The following GABPB2 variants were observed in gnomAD, a reference collection of about 807,000 sequenced individuals.
GABPB2 encodes GA binding protein transcription factor subunit beta 2, also known as GA-binding protein subunit beta-2.
Under a neutral mutation model 39.1 loss-of-function variants are expected in GABPB2, and 23 were observed. The observed-to-expected ratio is 0.59, with a 90% CI of 0.42 to 0.83. The LOEUF (loss-of-function observed/expected upper bound fraction) is 0.83. Among genes scored for constraint, GABPB2 ranks in the 40% least tolerant of loss-of-function variants. The pLI, the probability that GABPB2 is intolerant of heterozygous loss-of-function variation, is 0.00. For missense variants in GABPB2, 467 were observed against 541.1 expected (o/e 0.86, Z 1.36); for synonymous variants, 184 against 199.3 (o/e 0.92, Z 0.65).
chr1:151,103,893 T>G (rs866478708), intron 6 of GABPB2, among the ~76,000 whole-genome samples: 21 of 152,216 alleles, frequency 1.4e-4, no homozygotes, highest in African/African-American at 4.8e-4. Flanking sequence ...ATTATTCCTT[T>G]GTGTGTTTAC....
intron 3 of GABPB2, among the ~76,000 whole-genome samples, chr1:151,091,740 G>A (rs376792992): frequency 1.3e-5 from 2 of 152,006 alleles, no homozygotes; most frequent in African/African-American, 4.8e-5. Flanking sequence ...GACTCCCAAA[G>A]TGGTGGAATT....
At chr1:151,111,630 T>C (rs1680436678) in intron 7 of GABPB2, among the ~76,000 whole-genome samples, 2 of 151,356 alleles carry the variant, frequency 1.3e-5, no homozygotes, top group African/African-American at 2.4e-5. Flanking sequence ...TTCACTGTGG[T>C]CTCGATCTCC....
rs1014770529 is a variant in GABPB2, at chr1:151,121,966, T to G, written c.*3710T>G. The G allele has an allele frequency of 6.6e-6, 1 of 152,190 alleles. No homozygotes were observed. The highest frequency in any genetic ancestry group is 1.5e-5 in the Non-Finnish European group (1 of 68,030). 9.4% of individuals were successfully genotyped at this position (152,190 alleles called of 1,614,324 possible). A position where few individuals can be genotyped will look rare whatever the true frequency, so the allele number is the denominator to read the frequency against. ...ACTGTTTAGAATATGGTTTTCTTAA[T>G]TAGCAGTCATGGGGAAAACATGCAT... On this transcript the variant is annotated 3_prime_UTR_variant, in exon 9 of 9. Transcript: ENST00000368918.
intron 1 of GABPB2, among the ~76,000 whole-genome samples, chr1:151,084,093 G>C (rs1677959246): frequency 6.6e-6 from 1 of 150,948 alleles, no homozygotes. Flanking sequence ...ATGTGGAAAT[G>C]GGGCCTTACT....
intron 3 of GABPB2, among the ~76,000 whole-genome samples, chr1:151,092,952 C>G (rs1305596585): frequency 6.6e-6 from 1 of 152,130 alleles, no homozygotes; most frequent in Non-Finnish European, 1.5e-5. Flanking sequence ...TGTTCTTTCT[C>G]TCTTTGTCTT....
rs1681203465 is a variant in GABPB2 at position 151,122,075 on chromosome 1, G to A, written c.*3819G>A. On this transcript the variant is annotated 3_prime_UTR_variant, in exon 9 of 9. Coordinates refer to ENST00000368918, the MANE Select transcript of GABPB2 (RefSeq NM_144618.3). ...TAATTTGCTGCAGTGTTACAGAGGAGCAGAATCACTTGGGTCTCAAAATAG... is the reference window on the plus strand; with the variant it reads ...TAATTTGCTGCAGTGTTACAGAGGAACAGAATCACTTGGGTCTCAAAATAG... 1 of 152,202 alleles carries A rather than the reference G, an allele frequency of 6.6e-6. No homozygotes were observed. The highest frequency in any genetic ancestry group is 2.4e-5 in the African/African-American group (1 of 41,448). The allele number at this position is 152,202 out of a possible 1,614,324, so 9.4% of individuals were successfully genotyped here. A position where few individuals can be genotyped will look rare whatever the true frequency, so the allele number is the denominator to read the frequency against.
intron 6 of GABPB2, among the ~76,000 whole-genome samples, chr1:151,105,284 AC>A: frequency 6.6e-6 from 1 of 151,878 alleles, no homozygotes; most frequent in Non-Finnish European, 1.5e-5. Flanking sequence ...TGGGATATTG[AC>A]TAATCAAACT....
chr1:151,109,238 G>A (rs907297796), intron 7 of GABPB2, among the ~76,000 whole-genome samples: 9 of 149,810 alleles, frequency 6.0e-5, no homozygotes, highest in African/African-American at 2.2e-4. Context: ...AAGGGTACTG[G>A]TATAATTTCC....
rs4970998 is a variant in GABPB2, at chr1:151,118,705, A to G, written c.*449A>G. 120,154 of 152,884 alleles carry G rather than the reference A, an allele frequency of 0.79. 47,413 individuals carry two copies. Among genetic ancestry groups the G allele is most frequent in the East Asian group, 0.91 (4,758 of 5,208 alleles). The allele number at this position is 152,884 out of a possible 1,614,324, so 9.5% of individuals were successfully genotyped here. A position where few individuals can be genotyped will look rare whatever the true frequency, so the allele number is the denominator to read the frequency against. On this transcript the variant is annotated 3_prime_UTR_variant, in exon 9 of 9. Transcript: ENST00000368918. ...TGTTGGAAAAACCAATTGGAAGGGA[A>G]GTTAGACAAGCTTTGGGGAAGAGAA...
chr1:151,114,829 G>A (rs1189205841), intron 7 of GABPB2, among the ~76,000 whole-genome samples: 1 of 151,994 alleles, frequency 6.6e-6, no homozygotes, highest in African/African-American at 2.4e-5. Context: ...GCCCAACATG[G>A]CAAAACCCCA....
At chr1:151,075,720 CCCCAAAAAAA>C (rs956450131) in intron 1 of GABPB2, among the ~76,000 whole-genome samples, 15 of 145,278 alleles carry the variant, frequency 1.0e-4, no homozygotes, top group Non-Finnish European at 2.3e-4. Context: ...AAAAAACCCC[CCCCAAAAAAA>C]CCCAAAAAAA....
chr1:151,107,215 A>T lies in GABPB2; in HGVS notation c.915A>T (p.Gly305=). 1 of 1,576,078 alleles carries T rather than the reference A, an allele frequency of 6.3e-7. No individual in the cohort carries two copies. The highest frequency in any genetic ancestry group is 1.2e-5 in the South Asian group (1 of 84,786). The stretch of plus-strand genomic sequence containing the variant: ...CATTTATTGTAACTGTGCAAGATGG[A>T]CAGCAAGGTGAGTTATCTCTTGTAG... ...GQPFIVTVQD[G]QQVLTVPAGK... The change falls in exon 7 of 9, where the codon GGA becomes GGT. Residue 305 remains glycine (G), a synonymous_variant. Coordinates refer to ENST00000368918, the MANE Select transcript of GABPB2 (RefSeq NM_144618.3).
Position 151,107,127 on chromosome 1 carries a change from T to TG in GABPB2, c.828dup (p.Thr277AspfsTer2). 2 of 1,612,240 alleles carry TG rather than the reference T, an allele frequency of 1.2e-6. No individual in the cohort carries two copies. Among genetic ancestry groups the TG allele is most frequent in the South Asian group, 2.2e-5 (2 of 90,956 alleles). On this transcript the variant is annotated frameshift_variant, in exon 7 of 9. Coordinates refer to ENST00000368918, the MANE Select transcript of GABPB2 (RefSeq NM_144618.3). LOFTEE classifies it high-confidence loss of function. ...GGAGGCCAGAGGGTCATCACCATAG[T>TG]GACTGATGGAGTCCCTCTGGGTAAT...
intron 7 of GABPB2, among the ~76,000 whole-genome samples, chr1:151,112,085 G>A (rs1460734808): frequency 2.0e-5 from 3 of 148,482 alleles, no homozygotes; most frequent in South Asian, 2.2e-4. Context: ...TTAGCTGGGC[G>A]TGGTGGTGGG....
rs1250119291 is a variant in GABPB2 at position 151,075,586 on chromosome 1, A to AT, written c.-1+4652_-1+4653insT. 4.6e-5 allele frequency among the ~76,000 whole-genome samples: 7 copies of AT among 150,734 alleles called. No homozygotes were observed. The Admixed American group carries it at 4.7e-4, about 10-fold the overall frequency. ...CTCAAAAAAAAAAAAAAAAAAAAAA[A>AT]AAAATTTAGCCAGGTGGGAGACTGG... On this transcript the variant is annotated intron_variant, in intron 1 of 8. Coordinates refer to ENST00000368918, the MANE Select transcript of GABPB2 (RefSeq NM_144618.3).
chr1:151,095,606 C>G (rs1679039440), intron 4 of GABPB2, among the ~76,000 whole-genome samples: 1 of 152,190 alleles, frequency 6.6e-6, no homozygotes, highest in Non-Finnish European at 1.5e-5. Context: ...CTCTTCCCTC[C>G]TCTGTGCTCC....
Position 151,124,579 on chromosome 1 carries a change from A to G in GABPB2, c.*6323A>G, listed in dbSNP as rs1011431740. 2.6e-5 allele frequency: 4 copies of G among 151,820 alleles called. No homozygotes were observed. The allele number at this position is 151,820 out of a possible 1,614,324, so 9.4% of individuals were successfully genotyped here. On this transcript the variant is annotated 3_prime_UTR_variant, in exon 9 of 9. Transcript: ENST00000368918. ...TTTACTGAACTCTTCCTGAAAGTTTAATATGGAGTGGGAATCAGTTTTTGT... is the reference window on the plus strand; with the variant it reads ...TTTACTGAACTCTTCCTGAAAGTTTGATATGGAGTGGGAATCAGTTTTTGT...
rs747892821 is a variant in GABPB2 at position 151,118,061 on chromosome 1, G to C, written c.1152G>C (p.Gln384His). The C allele has an allele frequency of 1.2e-6, 2 of 1,614,180 alleles. No individual in the cohort carries two copies. Among genetic ancestry groups the C allele is most frequent in the East Asian group, 4.5e-5 (2 of 44,886 alleles). ...QLLKKEQEAE[Q>H]YRLKLEAIAR... is the part of the protein sequence containing the mutation. Reference sequence around the variant, plus strand: ...TAAAGAAAGAGCAGGAAGCAGAACAGTACCGTCTTAAGCTGGAGGCCATAG... The same window carrying C: ...TAAAGAAAGAGCAGGAAGCAGAACACTACCGTCTTAAGCTGGAGGCCATAG... Residue 384 changes from glutamine (Q) to histidine (H), a missense_variant, in exon 9 of 9, where the codon CAG becomes CAC. Transcript: ENST00000368918.
chr1:151,082,012 T>C, intron 1 of GABPB2, among the ~76,000 whole-genome samples: 1 of 152,110 alleles, frequency 6.6e-6, no homozygotes, highest in Non-Finnish European at 1.5e-5. Flanking sequence ...ATAATAACTT[T>C]TTCCAGTAAC....
Sources: gnomAD v4.1 joint callset for allele counts (sites outside exome capture counted in the v4.1 genomes callset) on GRCh38, gnomAD v4.1.1 for gene constraint, MANE v1.5 for transcripts, NCBI Gene and HGNC (gene_info 2026-07-23, HGNC 2026-07-21) for gene names.